Variants in DTX4 observed in about 807,000 individuals in gnomAD.
DTX4 encodes deltex E3 ubiquitin ligase 4, also known as E3 ubiquitin-protein ligase DTX4.
In DTX4, 28 loss-of-function variants were observed where a neutral mutation model predicts 57.6. The ratio of observed to expected loss-of-function variants is 0.49; its 90% CI spans 0.36 to 0.67. The LOEUF is 0.67. DTX4 is among the 30% of genes least tolerant of loss of function. The pLI, the probability that DTX4 is intolerant of heterozygous loss-of-function variation, is 0.00. For missense variants in DTX4, 715 were observed against 836.8 expected (o/e 0.85, Z 1.80); for synonymous variants, 316 against 331.0 (o/e 0.95, Z 0.49).
intron 8 of DTX4, among the ~76,000 whole-genome samples, chr11:59,204,266 C>T (rs1414863695): frequency 6.6e-6 from 1 of 152,122 alleles, no homozygotes; most frequent in Admixed American, 6.5e-5. Flanking sequence ...AGATCATAAG[C>T]GCCTTCAACT....
At position 59,192,065 on chromosome 11, in the gene DTX4, A is replaced by C. The variant is rs1862605495; in HGVS notation, c.1222-33A>C. ...AATCTCCCAGGCTGAGTGAGAGCTG[A>C]CAGCCTCTCTGCTGTGTCTCCTCCC... On this transcript the variant is annotated intron_variant, in intron 5 of 8. Coordinates refer to ENST00000227451, the MANE Select transcript of DTX4 (RefSeq NM_015177.2). 3.1e-6 allele frequency: 5 copies of C among 1,597,922 alleles called. No individual in the cohort carries two copies. The East Asian group carries it at 1.1e-4, about 36-fold the overall frequency.
At position 59,204,816 on chromosome 11, in the gene DTX4, T is replaced by C; in HGVS notation, c.1767T>C (p.His589=). Residue 589 remains histidine (H), a synonymous_variant, in exon 9 of 9, where the codon CAT becomes CAC. Transcript: ENST00000227451. Reference sequence around the variant, plus strand: ...AGTTTGGCTCTAATCTCACTGGCCATGGCTACCCAGATGCCAATTACCTGG... The same window carrying C: ...AGTTTGGCTCTAATCTCACTGGCCACGGCTACCCAGATGCCAATTACCTGG... The part of the protein sequence containing the change: ...KTEFGSNLTG[H]GYPDANYLDN... 6.2e-7 allele frequency: 1 copy of C among 1,612,144 alleles called. No individual in the cohort carries two copies. Among genetic ancestry groups the C allele is most frequent in the Non-Finnish European group, 8.5e-7 (1 of 1,179,046 alleles).
At chr11:59,174,438 G>GT (rs1300912345) in intron 1 of DTX4, among the ~76,000 whole-genome samples, 1 of 146,672 alleles carries the variant, frequency 6.8e-6, no homozygotes, top group African/African-American at 2.6e-5. Context: ...AGCCACGGAG[G>GT]TGGGACCAGA....
chr11:59,197,252 G>C (rs868411007), intron 7 of DTX4, among the ~76,000 whole-genome samples: 1 of 152,298 alleles, frequency 6.6e-6, no homozygotes, highest in Non-Finnish European at 1.5e-5. Flanking sequence ...GGAAGGGTTA[G>C]AGGAGACTTT....
At chr11:59,199,818 C>T (rs550609857) in intron 8 of DTX4, 45 bp downstream of exon 8, 73 of 1,507,720 alleles carry the variant, frequency 4.8e-5, no homozygotes, top group Non-Finnish European at 6.1e-5. Context: ...TAGAATAGAT[C>T]GGGCAGTTTA....
chr11:59,183,109 G>T (rs1281039807), intron 2 of DTX4, among the ~76,000 whole-genome samples: 1 of 152,134 alleles, frequency 6.6e-6, no homozygotes, highest in African/African-American at 2.4e-5. Context: ...TTGTTCAAGG[G>T]TACATAGCTA....
rs1471060748 is a variant in DTX4, at chr11:59,181,986, C to T, written c.459C>T (p.Val153=). 1 of 1,613,964 alleles carries T rather than the reference C, an allele frequency of 6.2e-7. No homozygotes were observed. The highest frequency in any genetic ancestry group is 1.1e-5 in the South Asian group (1 of 91,084). ...GTCAGACCCAGCGCCAACGCCGCGT[C>T]CGCCGGCGCCTCGACCTCATCTACC... ...INRQTQRQRR[V]RRRLDLIYPM... The change falls in exon 2 of 9, where the codon GTC becomes GTT. Residue 153 remains valine, a synonymous_variant. Coordinates refer to ENST00000227451, the MANE Select transcript of DTX4 (RefSeq NM_015177.2).
intron 1 of DTX4, among the ~76,000 whole-genome samples, chr11:59,175,653 C>T (rs141756781): frequency 6.8e-4 from 104 of 152,214 alleles, no homozygotes; most frequent in African/African-American, 1.8e-3. Context: ...CCCCTCTCCA[C>T]CTGCCATCAT....
At chr11:59,194,950 C>T in intron 6 of DTX4, 1 of 509,306 alleles carries the variant, frequency 2.0e-6, no homozygotes, top group Non-Finnish European at 3.5e-6. Context: ...AGCTGGTCCC[C>T]TCCTCAGGGA....
rs759911230 is a variant in DTX4 at position 59,189,278 on chromosome 11, G to A, written c.1114G>A (p.Val372Ile). ...SKSEIKSIPG[V>I]SNTSRKTTKK... ...GAGTGAAATAAAATCCATCCCAGGG[G>A]TTTCCAACACAAGCCGCAAGACCAC... is the stretch of plus-strand genomic sequence containing the variant. The change falls in exon 4 of 9, where the codon GTT becomes ATT. Residue 372 changes from valine (V) to isoleucine (I), a missense_variant. Val to Ile is a conservative substitution (Grantham distance 29, BLOSUM62 3). Transcript: ENST00000227451. 20 of 1,564,982 alleles carry A rather than the reference G, an allele frequency of 1.3e-5. No individual in the cohort carries two copies. In the African/African-American group the frequency reaches 2.2e-4, roughly 17 times the overall value.
Position 59,205,126 on chromosome 11 carries a change from G to T in DTX4, c.*217G>T. 1.9e-6 allele frequency: 1 copy of T among 535,452 alleles called. No individual in the cohort carries two copies. The highest frequency in any genetic ancestry group is 2.1e-5 in the South Asian group (1 of 48,482). 33.2% of individuals were successfully genotyped at this position (535,452 alleles called of 1,614,324 possible). On this transcript the variant is annotated 3_prime_UTR_variant, in exon 9 of 9. Coordinates refer to ENST00000227451, the MANE Select transcript of DTX4 (RefSeq NM_015177.2). ...TCTCATCCAACACAAAGGGAGATGG[G>T]ATGAGGGCCATCCTGGGTCTGTTCC...
chr11:59,188,586 G>A, intron 2 of DTX4, 149 bp from the exon 3 acceptor site: 1 of 652,056 alleles, frequency 1.5e-6, no homozygotes, highest in Non-Finnish European at 2.7e-6. Flanking sequence ...TCTGAGTGGT[G>A]GCATGACATG....
rs1284257555 is a variant in DTX4 at position 59,172,604 on chromosome 11, G to T, written c.9G>T (p.Leu3=). The change falls in exon 1 of 9, where the codon CTG becomes CTT. Residue 3 remains leucine (L), a synonymous_variant. Coordinates refer to ENST00000227451, the MANE Select transcript of DTX4 (RefSeq NM_015177.2). ML[L]ASAVVVWEWL... Reference sequence around the variant, plus strand: ...GCAGCCCCGGGCTCGCCATGCTCCTGGCCTCGGCCGTGGTGGTCTGGGAAT... The same window carrying T: ...GCAGCCCCGGGCTCGCCATGCTCCTTGCCTCGGCCGTGGTGGTCTGGGAAT... The T allele has an allele frequency of 6.5e-7, 1 of 1,545,470 alleles. No individual in the cohort carries two copies.
chr11:59,176,684 A>G (rs1187871175), intron 1 of DTX4, among the ~76,000 whole-genome samples: 1 of 152,242 alleles, frequency 6.6e-6, no homozygotes, highest in African/African-American at 2.4e-5. Flanking sequence ...ACCTCAGTGC[A>G]TGCCTGGAAG....
intron 7 of DTX4, among the ~76,000 whole-genome samples, chr11:59,196,133 C>G (rs540299960): frequency 1.3e-5 from 2 of 152,218 alleles, no homozygotes; most frequent in East Asian, 3.8e-4. Context: ...TCCTCTTTTC[C>G]TCCCTCCTAG....
At chr11:59,190,443 A>G (rs1369606587) in intron 4 of DTX4, among the ~76,000 whole-genome samples, 2 of 152,192 alleles carry the variant, frequency 1.3e-5, no homozygotes. Context: ...GGAGTGGCCC[A>G]AGGTAGCACT....
At chr11:59,176,718 G>A (rs1862400768) in intron 1 of DTX4, among the ~76,000 whole-genome samples, 1 of 152,264 alleles carries the variant, frequency 6.6e-6, no homozygotes, top group Non-Finnish European at 1.5e-5. Context: ...CTTCCCAGAA[G>A]CTGAAAGGTT....
intron 5 of DTX4, 72 bp from the exon 6 acceptor site, chr11:59,192,026 T>G: frequency 6.4e-7 from 1 of 1,554,628 alleles, no homozygotes; most frequent in Non-Finnish European, 8.8e-7. Flanking sequence ...ATCTGACCTC[T>G]GAGATCATGT....
intron 2 of DTX4, among the ~76,000 whole-genome samples, chr11:59,183,347 C>T (rs759258660): frequency 2.7e-4 from 41 of 152,206 alleles, no homozygotes; most frequent in Non-Finnish European, 5.6e-4. Context: ...AGGCACTTTC[C>T]ATACATTGTC....
Sources: gnomAD v4.1 joint callset for allele counts (sites outside exome capture counted in the v4.1 genomes callset) on GRCh38, gnomAD v4.1.1 for gene constraint, MANE v1.5 for transcripts, NCBI Gene and HGNC (gene_info 2026-07-23, HGNC 2026-07-21) for gene names.